Variants in TTLL4 observed in about 807,000 individuals in gnomAD.
TTLL4 encodes tubulin monoglutamylase TTLL4.
Under a neutral mutation model 122.7 loss-of-function variants are expected in TTLL4, and 85 were observed. The observed-to-expected ratio is 0.69, with a 90% CI of 0.58 to 0.83. TTLL4 has a LOEUF of 0.83. TTLL4 is among the 40% of genes least tolerant of loss of function. The probability of loss-of-function intolerance (pLI) is 0.00; values close to 1 mark genes in which losing one functional copy is unlikely to be tolerated. For missense variants in TTLL4, 1,363 were observed against 1,488.6 expected (o/e 0.92, Z 1.39); for synonymous variants, 553 against 563.0 (o/e 0.98, Z 0.25).
chr2:218,742,588 C>T (rs1413622719), intron 5 of TTLL4, among the ~76,000 whole-genome samples: 1 of 152,218 alleles, frequency 6.6e-6, no homozygotes, highest in African/African-American at 2.4e-5. Context: ...CATGGCTAGA[C>T]TAGAAGCCAG....
intron 2 of TTLL4, among the ~76,000 whole-genome samples, chr2:218,728,324 A>G (rs1309320401): frequency 1.3e-5 from 2 of 152,240 alleles, no homozygotes; most frequent in African/African-American, 2.4e-5. Context: ...AGATGGTCCC[A>G]TCTGGGGGTG....
At chr2:218,721,235 C>CAATT (rs10556568) in intron 1 of TTLL4, among the ~76,000 whole-genome samples, 49 of 151,392 alleles carry the variant, frequency 3.2e-4, no homozygotes, top group East Asian at 5.8e-4. Flanking sequence ...AATTTACCCC[C>CAATT]AATTAATTAA....
chr2:218,740,268 A>G (rs970904691), intron 4 of TTLL4, 101 bp downstream of exon 4: 8 of 1,191,882 alleles, frequency 6.7e-6, no homozygotes, highest in Admixed American at 6.2e-5. Flanking sequence ...CATTACCTAC[A>G]TCAGTCATTT....
chr2:218,759,035 G>C (rs1293310976), downstream of TTLL4, among the ~76,000 whole-genome samples: 2 of 152,010 alleles, frequency 1.3e-5, no homozygotes, highest in African/African-American at 4.8e-5. Flanking sequence ...CCTGAGGTCG[G>C]GAGTTTTGAG....
intron 1 of TTLL4, among the ~76,000 whole-genome samples, chr2:218,716,640 T>C (rs1278827157): frequency 6.6e-6 from 1 of 152,112 alleles, no homozygotes; most frequent in Non-Finnish European, 1.5e-5. Context: ...ATACAAAAAA[T>C]TAGCCGGGCG....
Position 218,745,732 on chromosome 2 carries a change from A to G in TTLL4, c.1828A>G (p.Lys610Glu). 1 of 1,613,384 alleles carries G rather than the reference A, an allele frequency of 6.2e-7. No homozygotes were observed. The highest frequency in any genetic ancestry group is 8.5e-7 in the Non-Finnish European group (1 of 1,179,774). ...PWEQRKLLRW[K>E]MSTVTPNIVK... ...GGAACAGAGGAAGTTGCTCCGATGG[A>G]AGATGAGCACAGTGACCCCCAACAT... Residue 610 changes from lysine (K) to glutamate (E), a missense_variant, in exon 7 of 20, where the codon AAG becomes GAG. Lys to Glu is a moderately conservative substitution (Grantham distance 56, BLOSUM62 1). Transcript: ENST00000392102.
intron 5 of TTLL4, among the ~76,000 whole-genome samples, chr2:218,742,136 ATTT>A (rs1559369444): frequency 6.6e-6 from 1 of 151,594 alleles, no homozygotes; most frequent in African/African-American, 2.4e-5. Context: ...ATTAAAAAAA[ATTT>A]TTTTTGTAGA....
Position 218,745,548 on chromosome 2 carries a change from C to T in TTLL4, c.1787-143C>T, listed in dbSNP as rs1461781656. On this transcript the variant is annotated intron_variant, in intron 6 of 19. Coordinates refer to ENST00000392102, the MANE Select transcript of TTLL4 (RefSeq NM_014640.5). Reference sequence around the variant, plus strand: ...CCCTCTTCTTTCCCAAAGTGTGCTCCTCTGAAACCCTGATCTGGAGCAATA... The same window carrying T: ...CCCTCTTCTTTCCCAAAGTGTGCTCTTCTGAAACCCTGATCTGGAGCAATA... 8 of 671,930 alleles carry T rather than the reference C, an allele frequency of 1.2e-5. No individual in the cohort carries two copies. The South Asian group carries it at 1.4e-4, about 12-fold the overall frequency. 41.6% of individuals were successfully genotyped at this position (671,930 alleles called of 1,614,324 possible). A position where few individuals can be genotyped will look rare whatever the true frequency, so the allele number is the denominator to read the frequency against.
chr2:218,759,229 G>A (rs1305608915), downstream of TTLL4, among the ~76,000 whole-genome samples: 1 of 151,432 alleles, frequency 6.6e-6, no homozygotes, highest in Admixed American at 6.6e-5. Context: ...CGGGCAACAG[G>A]AGCAACACTC....
At chr2:218,720,531 G>A (rs190495936) in intron 1 of TTLL4, among the ~76,000 whole-genome samples, 7 of 151,982 alleles carry the variant, frequency 4.6e-5, no homozygotes, top group African/African-American at 1.2e-4. Context: ...AAAATTATCC[G>A]GGCACGATGG....
Position 218,751,723 on chromosome 2 carries a change from G to T in TTLL4, c.2893G>T (p.Asp965Tyr). 3.1e-6 allele frequency: 5 copies of T among 1,613,006 alleles called. No homozygotes were observed. The highest frequency in any genetic ancestry group is 4.2e-6 in the Non-Finnish European group (5 of 1,179,392). ...STTSLPTSPG[D>Y]KCRMAPEHVT... ...CCGTAGCCTGCCCACCTCCCCTGGG[G>T]ACAAATGTCGAATGGCTCCAGAGCA... Residue 965 changes from aspartate (D) to tyrosine (Y), a missense_variant, in exon 16 of 20, where the codon GAC becomes TAC. Transcript: ENST00000392102.
chr2:218,750,290 C>A, intron 15 of TTLL4, 144 bp downstream of exon 15: 2 of 1,142,576 alleles, frequency 1.8e-6, no homozygotes, highest in Non-Finnish European at 2.4e-6. Flanking sequence ...TAACATGCTA[C>A]CATGCCACAT....
rs540424388 is a variant in TTLL4, at chr2:218,746,146, C to T, written c.1898-9C>T. 6.2e-7 allele frequency: 1 copy of T among 1,614,144 alleles called. No individual in the cohort carries two copies. Among genetic ancestry groups the T allele is most frequent in the African/African-American group, 1.3e-5 (1 of 75,028 alleles). Reference sequence around the variant, plus strand: ...TTAGCAAGGCTGATTCCTGATGTACCTCCCATAGGAAACGATGACTGGCTG... The same window carrying T: ...TTAGCAAGGCTGATTCCTGATGTACTTCCCATAGGAAACGATGACTGGCTG... On this transcript the variant is annotated splice_polypyrimidine_tract_variant and intron_variant, in intron 7 of 19. Coordinates refer to ENST00000392102, the MANE Select transcript of TTLL4 (RefSeq NM_014640.5).
intron 12 of TTLL4, 94 bp from the exon 13 acceptor site, chr2:218,748,742 A>G: frequency 9.3e-7 from 1 of 1,079,018 alleles, no homozygotes; most frequent in Non-Finnish European, 1.4e-6. Flanking sequence ...AGAGATATGA[A>G]GAAAATACCA....
intron 15 of TTLL4, chr2:218,751,490 C>A: frequency 2.3e-6 from 1 of 443,396 alleles, no homozygotes; most frequent in Non-Finnish European, 3.0e-6. Flanking sequence ...CAACCTAAAG[C>A]TGGTGGTTTG....
At position 218,746,953 on chromosome 2, in the gene TTLL4, A is replaced by G. The variant is rs534011116; in HGVS notation, c.1975-50A>G. On this transcript the variant is annotated intron_variant, in intron 8 of 19. Transcript: ENST00000392102. The stretch of plus-strand genomic sequence containing the variant: ...TAGAATGAGTCTTGTCATCTTCCTC[A>G]TGGCCTCACCTCTGCCCTCTTCCTG... 6.2e-5 allele frequency: 98 copies of G among 1,575,974 alleles called. 1 individual carries two copies. In the South Asian group the frequency reaches 1.1e-3, roughly 17 times the overall value.
intron 18 of TTLL4, 141 bp downstream of exon 18, chr2:218,753,326 C>A: frequency 9.6e-7 from 1 of 1,036,288 alleles, no homozygotes. Flanking sequence ...CCATTCTTTC[C>A]TTTCAAGGGA....
chr2:218,748,486 G>A (rs1234845037), intron 12 of TTLL4: 5 of 481,342 alleles, frequency 1.0e-5, no homozygotes, highest in Admixed American at 3.7e-5. Flanking sequence ...GAAGCCCTGC[G>A]TCTACTAAAA....
chr2:218,746,492 A>C, intron 8 of TTLL4: 1 of 516,474 alleles, frequency 1.9e-6, no homozygotes, highest in Non-Finnish European at 3.5e-6. Flanking sequence ...CTCCAACCTC[A>C]TAGGAGGGTG....
Sources: gnomAD v4.1 joint callset for allele counts (sites outside exome capture counted in the v4.1 genomes callset) on GRCh38, gnomAD v4.1.1 for gene constraint, MANE v1.5 for transcripts, NCBI Gene and HGNC (gene_info 2026-07-23, HGNC 2026-07-21) for gene names.